GUCY2C: variants seen among roughly 807,000 people sequenced by gnomAD.
The protein encoded by GUCY2C is guanylate cyclase 2C, also known as guanylyl cyclase C.
Under a neutral mutation model 131.1 loss-of-function variants are expected in GUCY2C, and 118 were observed. The ratio of observed to expected loss-of-function variants is 0.90; its 90% CI spans 0.78 to 1.05. The LOEUF is 1.05. Among genes scored for constraint, GUCY2C ranks in the 50% least tolerant of loss-of-function variants. The pLI is 0.00. For synonymous variants in GUCY2C, 452 were observed against 457.8 expected (o/e 0.99, Z 0.16); for missense variants, 1,161 against 1,304.4 (o/e 0.89, Z 1.69).
intron 1 of GUCY2C, among the ~76,000 whole-genome samples, chr12:14,690,532 C>CTT (rs145900471): frequency 6.6e-6 from 1 of 151,530 alleles, no homozygotes; most frequent in African/African-American, 2.4e-5. Flanking sequence ...CAGGGATGTT[C>CTT]TTTTTTTTTC....
chr12:14,637,999 T>C (rs190987596), intron 19 of GUCY2C, among the ~76,000 whole-genome samples: 11 of 152,222 alleles, frequency 7.2e-5, no homozygotes, highest in African/African-American at 1.9e-4. Flanking sequence ...TTCCAGAATA[T>C]ACAAGGAGCT....
At position 14,650,272 on chromosome 12, in the gene GUCY2C, G is replaced by C. The variant is rs181710170; in HGVS notation, c.1710+1135C>G. 2.2e-4 allele frequency among the ~76,000 whole-genome samples: 34 copies of C among 151,932 alleles called. No homozygotes were observed. In the East Asian group the frequency reaches 3.1e-3, roughly 14 times the overall value. On this transcript the variant is annotated intron_variant, in intron 15 of 26. Coordinates refer to ENST00000261170, the MANE Select transcript of GUCY2C (RefSeq NM_004963.4). ...TTATTCATTTATTTATTTTTGAGACGGAGTCTCGCTCTGTTGCCAGGTTGG... is the reference window on the plus strand; with the variant it reads ...TTATTCATTTATTTATTTTTGAGACCGAGTCTCGCTCTGTTGCCAGGTTGG...
chr12:14,641,738 A>T (rs1592101929), intron 17 of GUCY2C, among the ~76,000 whole-genome samples: 2 of 152,132 alleles, frequency 1.3e-5, no homozygotes, highest in Non-Finnish European at 1.5e-5. Context: ...GGAGATTGAG[A>T]CCAGCCTGGC....
chr12:14,672,519 C>CTT (rs1276505114), intron 9 of GUCY2C, among the ~76,000 whole-genome samples: 2 of 152,010 alleles, frequency 1.3e-5, no homozygotes, highest in South Asian at 2.1e-4. Flanking sequence ...GTAAACAATT[C>CTT]TTAGGAAAGA....
intron 18 of GUCY2C, 119 bp downstream of exon 18, chr12:14,640,963 T>A (rs981181803): frequency 2.4e-6 from 2 of 842,646 alleles, no homozygotes; most frequent in South Asian, 3.4e-5. Context: ...AGATGGGAAA[T>A]CATTAATTTT....
At chr12:14,696,202 T>A in intron 1 of GUCY2C, 30 bp downstream of exon 1, 1 of 1,539,136 alleles carries the variant, frequency 6.5e-7, no homozygotes, top group Non-Finnish European at 9.0e-7. Context: ...AGTAACAGAG[T>A]GGAGGAAGAT....
At chr12:14,671,381 G>A (rs1291069492) in intron 9 of GUCY2C, among the ~76,000 whole-genome samples, 1 of 151,976 alleles carries the variant, frequency 6.6e-6, no homozygotes, top group Non-Finnish European at 1.5e-5. Flanking sequence ...CAAGTGATCC[G>A]CCTGCCTCGG....
intron 12 of GUCY2C, among the ~76,000 whole-genome samples, chr12:14,653,404 G>C (rs1279847764): frequency 6.6e-6 from 1 of 152,218 alleles, no homozygotes; most frequent in Non-Finnish European, 1.5e-5. Context: ...GGCCCAAGTA[G>C]CAATGCAAAT....
At chr12:14,631,978 C>T (rs1303888421) in intron 19 of GUCY2C, among the ~76,000 whole-genome samples, 1 of 151,200 alleles carries the variant, frequency 6.6e-6, no homozygotes, top group Non-Finnish European at 1.5e-5. Context: ...TCTCTGATGG[C>T]CAGTGATGGT....
chr12:14,671,882 T>C (rs1408590810), intron 9 of GUCY2C, among the ~76,000 whole-genome samples: 3 of 152,230 alleles, frequency 2.0e-5, no homozygotes, highest in Admixed American at 1.3e-4. Flanking sequence ...TAACATTATA[T>C]TGAAGGTTCA....
intron 16 of GUCY2C, among the ~76,000 whole-genome samples, chr12:14,644,645 G>A (rs921843706): frequency 6.6e-6 from 1 of 151,596 alleles, no homozygotes; most frequent in Admixed American, 6.6e-5. Flanking sequence ...TTCCTATCAC[G>A]TCTCAAAATA....
At chr12:14,642,869 AG>A (rs1163426824) in intron 17 of GUCY2C, among the ~76,000 whole-genome samples, 1 of 152,170 alleles carries the variant, frequency 6.6e-6, no homozygotes, top group Non-Finnish European at 1.5e-5. Context: ...CCTTTTATTA[AG>A]GAAAAACGAA....
intron 23 of GUCY2C, among the ~76,000 whole-genome samples, chr12:14,620,240 C>A (rs993180015): frequency 7.9e-5 from 12 of 152,196 alleles, no homozygotes; most frequent in African/African-American, 9.6e-5. Context: ...CTAGGGTATA[C>A]TTACGTTATA....
intron 6 of GUCY2C, among the ~76,000 whole-genome samples, 169 bp downstream of exon 6, chr12:14,679,488 C>A (rs1948304916): frequency 6.6e-6 from 1 of 152,170 alleles, no homozygotes; most frequent in African/African-American, 2.4e-5. Flanking sequence ...TCTGCTAAAG[C>A]CACAATTAGC....
At position 14,625,794 on chromosome 12, in the gene GUCY2C, C is replaced by T. The variant is rs777679079; in HGVS notation, c.2371G>A (p.Asp791Asn). The T allele has an allele frequency of 6.2e-7, 1 of 1,614,086 alleles. No individual in the cohort carries two copies. Among genetic ancestry groups the T allele is most frequent in the Non-Finnish European group, 8.5e-7 (1 of 1,179,956 alleles). Reference protein sequence around the residue: ...ERTQLYKAERDRADRLNFMLL... With the variant: ...ERTQLYKAERNRADRLNFMLL... ...ATAAAGTTAAGTCTGTCAGCCCTGT[C>T]CCTCTCTGCCTTGTACAGCTGTGTC... Residue 791 changes from aspartate (D) to asparagine (N), a missense_variant, in exon 21 of 27, where the codon GAC (aspartate) becomes AAC (asparagine). By Grantham distance (23) the Asp-to-Asn change is conservative. Transcript: ENST00000261170.
At chr12:14,687,886 A>C (rs998977891) in intron 2 of GUCY2C, 65 bp downstream of exon 2, 1 of 881,640 alleles carries the variant, frequency 1.1e-6, no homozygotes, top group Non-Finnish European at 1.9e-6. Context: ...ATGTGCCTAC[A>C]TTTCACACTG....
intron 25 of GUCY2C, among the ~76,000 whole-genome samples, chr12:14,615,177 C>T (rs1482110651): frequency 6.6e-6 from 1 of 152,108 alleles, no homozygotes; most frequent in Non-Finnish European, 1.5e-5. Context: ...ATCCTTTTCT[C>T]AAAGTAGAGT....
At chr12:14,653,528 G>T (rs547107319) in intron 12 of GUCY2C, among the ~76,000 whole-genome samples, 1 of 152,328 alleles carries the variant, frequency 6.6e-6, no homozygotes, top group Non-Finnish European at 1.5e-5. Flanking sequence ...ATTCTTATAT[G>T]CTATCTCGTG....
intron 5 of GUCY2C, among the ~76,000 whole-genome samples, chr12:14,680,024 G>T (rs1245917922): frequency 6.6e-6 from 1 of 151,708 alleles, no homozygotes; most frequent in Non-Finnish European, 1.5e-5. Flanking sequence ...GATGTCAAAG[G>T]GTCAAAGAAC....
Sources: allele counts gnomAD v4.1 joint callset (sites outside exome capture counted in the v4.1 genomes callset), GRCh38; gene constraint gnomAD v4.1.1; transcripts MANE v1.5; gene names NCBI Gene and HGNC (gene_info 2026-07-23, HGNC 2026-07-21).